MNAT1: variants seen among roughly 807,000 people sequenced by gnomAD.
The protein encoded by MNAT1 is CDK-activating kinase assembly factor MAT1.
Under a neutral mutation model 42.0 loss-of-function variants are expected in MNAT1, and 43 were observed. The observed-to-expected ratio is 1.02, with a 90% CI of 0.80 to 1.32. The LOEUF (loss-of-function observed/expected upper bound fraction) is 1.32, where lower values mean the gene tolerates loss of function less well. Ranked by LOEUF, MNAT1 falls within the 40% of genes most tolerant of loss-of-function variation. The probability of loss-of-function intolerance (pLI) is 0.00; values close to 1 mark genes in which losing one functional copy is unlikely to be tolerated. For missense variants in MNAT1, 306 were observed against 350.4 expected (o/e 0.87, Z 1.01); for synonymous variants, 118 against 120.0 (o/e 0.98, Z 0.11).
chr14:60,773,007 C>A (rs545781242), intron 1 of MNAT1, among the ~76,000 whole-genome samples: 2 of 151,454 alleles, frequency 1.3e-5, no homozygotes, highest in East Asian at 3.9e-4. Context: ...GATCTCGGCT[C>A]ACTGACTGCA....
chr14:60,865,587 C>A (rs2034185925), intron 6 of MNAT1, among the ~76,000 whole-genome samples: 1 of 151,864 alleles, frequency 6.6e-6, no homozygotes, highest in Non-Finnish European at 1.5e-5. Flanking sequence ...GACACTATGT[C>A]CTCTTGGCAA....
chr14:60,752,083 G>A (rs866560493), intron 1 of MNAT1, among the ~76,000 whole-genome samples: 2 of 152,064 alleles, frequency 1.3e-5, no homozygotes, highest in Admixed American at 1.3e-4. Flanking sequence ...ACTTCCTGGT[G>A]TTAACTGACA....
chr14:60,914,088 A>T (rs372479574), intron 7 of MNAT1, among the ~76,000 whole-genome samples: 1 of 152,182 alleles, frequency 6.6e-6, no homozygotes, highest in African/African-American at 2.4e-5. Flanking sequence ...TGTGCTAGCA[A>T]TGAGCTAGGC....
intron 7 of MNAT1, among the ~76,000 whole-genome samples, chr14:60,942,364 A>G (rs1407955390): frequency 6.6e-6 from 1 of 152,114 alleles, no homozygotes; most frequent in Non-Finnish European, 1.5e-5. Flanking sequence ...GGGGGATAGT[A>G]AGCTTTACTT....
At chr14:60,876,942 A>G (rs1176724024) in intron 6 of MNAT1, among the ~76,000 whole-genome samples, 18 of 152,150 alleles carry the variant, frequency 1.2e-4, no homozygotes, top group Admixed American at 1.2e-3. Flanking sequence ...TTTCGGGTAT[A>G]TACCCAGAAT....
In MNAT1 at chr14:60,769,553, C is replaced by T. The variant is rs570894323; in HGVS notation, c.90-26664C>T. On this transcript the variant is annotated intron_variant, in intron 1 of 7. Coordinates refer to ENST00000261245, the MANE Select transcript of MNAT1 (RefSeq NM_002431.4). ...TCTGCTTTGACCTCCCTAAGTGTTG[C>T]GATTATAGGTGTGAGCCACTGCACC... Among the ~76,000 whole-genome samples, 7 of 151,906 alleles carry T rather than the reference C, an allele frequency of 4.6e-5. No homozygotes were observed. In the South Asian group the frequency reaches 6.2e-4, roughly 14 times the overall value.
intron 7 of MNAT1, chr14:60,919,195 C>T (rs1005067680): frequency 6.6e-6 from 1 of 152,190 alleles, no homozygotes; most frequent in Non-Finnish European, 1.5e-5. Context: ...CCTGGAGGCT[C>T]CCTGGTCCAA....
At chr14:60,881,571 G>T (rs2034552553) in intron 7 of MNAT1, among the ~76,000 whole-genome samples, 1 of 151,786 alleles carries the variant, frequency 6.6e-6, no homozygotes, top group Admixed American at 6.6e-5. Context: ...GGCTCATAGT[G>T]TTTTCTAGCT....
chr14:60,931,593 A>G (rs1447423329), intron 7 of MNAT1, among the ~76,000 whole-genome samples: 1 of 152,146 alleles, frequency 6.6e-6, no homozygotes, highest in Non-Finnish European at 1.5e-5. Context: ...AATGTTTTTT[A>G]TTCATATTTC....
intron 6 of MNAT1, among the ~76,000 whole-genome samples, chr14:60,847,936 T>G (rs79006981): frequency 6.6e-6 from 1 of 152,166 alleles, no homozygotes; most frequent in Non-Finnish European, 1.5e-5. Context: ...GGTTTTTTTT[T>G]GTAGCTGTTT....
At chr14:60,912,656 G>C (rs187366525) in intron 7 of MNAT1, among the ~76,000 whole-genome samples, 104 of 152,308 alleles carry the variant, frequency 6.8e-4, no homozygotes, top group Admixed American at 3.9e-3. Context: ...GGCCCCCACT[G>C]TCTTCTGGCT....
At chr14:60,961,548 A>G (rs2036591986) in intron 7 of MNAT1, among the ~76,000 whole-genome samples, 1 of 151,992 alleles carries the variant, frequency 6.6e-6, no homozygotes, top group African/African-American at 2.4e-5. Context: ...TTTTAGGGAA[A>G]CCTGTTCTGA....
At position 60,783,798 on chromosome 14, in the gene MNAT1, G is replaced by A. The variant is rs148943944; in HGVS notation, c.90-12419G>A. ...ATTACAGGCGTGAGCCACCGCGCCC[G>A]GCCTTTAGTTTTACTTTTAAATAAA... On this transcript the variant is annotated intron_variant, in intron 1 of 7. Coordinates refer to ENST00000261245, the MANE Select transcript of MNAT1 (RefSeq NM_002431.4). Among the ~76,000 whole-genome samples, 58 of 151,398 alleles carry A rather than the reference G, an allele frequency of 3.8e-4. 2 individuals carry two copies. In the East Asian group the frequency reaches 4.5e-3, roughly 12 times the overall value.
At chr14:60,949,866 G>C (rs2036349479) in intron 7 of MNAT1, among the ~76,000 whole-genome samples, 1 of 152,064 alleles carries the variant, frequency 6.6e-6, no homozygotes, top group African/African-American at 2.4e-5. Context: ...TTTTCTGTGG[G>C]CCTAAGTATT....
At chr14:60,947,771 T>C (rs2036309072) in intron 7 of MNAT1, among the ~76,000 whole-genome samples, 1 of 152,242 alleles carries the variant, frequency 6.6e-6, no homozygotes, top group Admixed American at 6.5e-5. Flanking sequence ...TGGACACTTC[T>C]GTCATTCTAC....
Position 60,862,737 on chromosome 14 carries a change from A to T in MNAT1, c.688-16977A>T, listed in dbSNP as rs115397484. Reference sequence around the variant, plus strand: ...TTCAAATATATTTTTATCTTTATCTACATATGTTAATATGTTTTCATACAG... The same window carrying T: ...TTCAAATATATTTTTATCTTTATCTTCATATGTTAATATGTTTTCATACAG... On this transcript the variant is annotated intron_variant, in intron 6 of 7. Coordinates refer to ENST00000261245, the MANE Select transcript of MNAT1 (RefSeq NM_002431.4). 8.7e-3 allele frequency among the ~76,000 whole-genome samples: 1,320 copies of T among 152,316 alleles called. 10 individuals are homozygous for T. Among genetic ancestry groups the T allele is most frequent in the African/African-American group, 0.031 (1,272 of 41,574 alleles).
chr14:60,945,873 A>C (rs1021055766), intron 7 of MNAT1, among the ~76,000 whole-genome samples: 8 of 151,606 alleles, frequency 5.3e-5, no homozygotes, highest in Non-Finnish European at 8.8e-5. Context: ...TAAATCTCCC[A>C]CTCCACTTTC....
chr14:60,891,673 G>A (rs576545338), intron 7 of MNAT1, among the ~76,000 whole-genome samples: 3 of 152,034 alleles, frequency 2.0e-5, no homozygotes, highest in Non-Finnish European at 4.4e-5. Flanking sequence ...GGCTGGTCTC[G>A]AACTCCTGAC....
Position 60,955,133 on chromosome 14 carries a change from A to G in MNAT1, c.810-13096A>G, listed in dbSNP as rs188616822. ...CTAATATTTTGTTGAAGATTTTTAC[A>G]TCTGTGTTCATTATAGATATTAGAC... is the stretch of plus-strand genomic sequence containing the variant. On this transcript the variant is annotated intron_variant, in intron 7 of 7. Coordinates refer to ENST00000261245, the MANE Select transcript of MNAT1 (RefSeq NM_002431.4). Among the ~76,000 whole-genome samples, 308 of 152,206 alleles carry G rather than the reference A, an allele frequency of 2.0e-3. 1 individual carries two copies. The highest frequency in any genetic ancestry group is 6.5e-3 in the African/African-American group (272 of 41,550).
Sources: allele counts gnomAD v4.1 joint callset (sites outside exome capture counted in the v4.1 genomes callset), GRCh38; gene constraint gnomAD v4.1.1; transcripts MANE v1.5; gene names NCBI Gene and HGNC (gene_info 2026-07-23, HGNC 2026-07-21).